The following DLGAP1 variants were observed in gnomAD, a reference collection of about 807,000 sequenced individuals.
DLGAP1 encodes the protein DLG associated protein 1.
A neutral mutation model predicts 90.8 loss-of-function variants in DLGAP1; 11 were observed. The observed-to-expected ratio is 0.12, with a 90% confidence interval of 0.08 to 0.20. The LOEUF (loss-of-function observed/expected upper bound fraction) is 0.20, where lower values mean the gene tolerates loss of function less well. DLGAP1 is among the 10% of genes least tolerant of loss of function. DLGAP1 has a pLI of 1.00. For synonymous variants in DLGAP1, 558 were observed against 540.7 expected (o/e 1.03, Z -0.44); for missense variants, 1,050 against 1,333.8 (o/e 0.79, Z 3.31).
At chr18:4,155,188 T>C (rs1304634514) in intron 1 of DLGAP1, among the ~76,000 whole-genome samples, 8 of 152,086 alleles carry the variant, frequency 5.3e-5, no homozygotes, top group Admixed American at 6.6e-5. Flanking sequence ...GGTGGGAGTG[T>C]TCCTGGTTGG....
intron 3 of DLGAP1, chr18:3,984,370 C>A (rs1599268428): frequency 6.6e-6 from 1 of 152,370 alleles, no homozygotes; most frequent in Non-Finnish European, 1.5e-5. Context: ...TCAATTACCC[C>A]AAGTCTGCCC....
rs766259416 is a variant in DLGAP1 at position 4,181,825 on chromosome 18, G to T, written c.-266-30538C>A. Among the ~76,000 whole-genome samples, 3 of 152,034 alleles carry T rather than the reference G, an allele frequency of 2.0e-5. No homozygotes were observed. In the South Asian group the frequency reaches 6.2e-4, roughly 31 times the overall value. ...TAATGTTTTGTTTGCTCCAAAAAAA[G>T]AAATTAGGGGAGCCCTTACTGAGAA... is the stretch of plus-strand genomic sequence containing the variant. On this transcript the variant is annotated intron_variant, in intron 1 of 12. Transcript: ENST00000315677.
At chr18:4,034,037 C>CTTTTT (rs1212913784) in intron 2 of DLGAP1, among the ~76,000 whole-genome samples, 2 of 111,208 alleles carry the variant, frequency 1.8e-5, no homozygotes, top group African/African-American at 6.2e-5. Flanking sequence ...GCGCCCGGCC[C>CTTTTT]TTTTTTTTTT....
At chr18:3,725,454 T>C (rs186744747) in intron 7 of DLGAP1, among the ~76,000 whole-genome samples, 16 of 152,246 alleles carry the variant, frequency 1.1e-4, no homozygotes, top group Non-Finnish European at 2.4e-4. Flanking sequence ...CATCAAGTTC[T>C]ACTGTTACCT....
chr18:3,928,732 G>T (rs1305214237), intron 3 of DLGAP1, among the ~76,000 whole-genome samples: 1 of 152,170 alleles, frequency 6.6e-6, no homozygotes, highest in Non-Finnish European at 1.5e-5. Context: ...AACACAGGTG[G>T]TCTGGCCCCA....
chr18:4,306,473 GAGAC>G (rs552503821), intron 1 of DLGAP1, among the ~76,000 whole-genome samples: 2,946 of 151,120 alleles, frequency 0.019, 38 homozygotes, highest in Admixed American at 0.03. Context: ...GAGAGAGAGA[GAGAC>G]AGACAGAGAA....
At chr18:4,276,600 C>T (rs1598791120) in intron 1 of DLGAP1, among the ~76,000 whole-genome samples, 1 of 150,962 alleles carries the variant, frequency 6.6e-6, no homozygotes, top group African/African-American at 2.4e-5. Context: ...CTCGCCACTG[C>T]ACTCCAGCCT....
chr18:4,231,678 AT>A (rs2078301765), intron 1 of DLGAP1, among the ~76,000 whole-genome samples: 1 of 151,882 alleles, frequency 6.6e-6, no homozygotes, highest in Admixed American at 6.6e-5. Flanking sequence ...CATATCCTCT[AT>A]TTCTTTCCTT....
At chr18:3,758,471 C>T (rs1222994278) in intron 5 of DLGAP1, among the ~76,000 whole-genome samples, 1 of 152,156 alleles carries the variant, frequency 6.6e-6, no homozygotes, top group Non-Finnish European at 1.5e-5. Flanking sequence ...TATTCACAGA[C>T]TATTTTTATT....
At chr18:4,127,599 A>G (rs2076250491) in intron 2 of DLGAP1, among the ~76,000 whole-genome samples, 1 of 152,174 alleles carries the variant, frequency 6.6e-6, no homozygotes, top group South Asian at 2.1e-4. Context: ...CTTGATAATG[A>G]TTTTTCAAAA....
intron 2 of DLGAP1, among the ~76,000 whole-genome samples, chr18:4,065,431 T>A (rs1242684247): frequency 2.6e-5 from 4 of 152,072 alleles, no homozygotes; most frequent in Non-Finnish European, 1.5e-5. Flanking sequence ...CCCCATAGTC[T>A]CAGCCCAAAA....
intron 10 of DLGAP1, among the ~76,000 whole-genome samples, chr18:3,531,867 T>C (rs553934536): frequency 1.3e-5 from 2 of 152,228 alleles, no homozygotes; most frequent in African/African-American, 4.8e-5. Flanking sequence ...CTTTTTTTCT[T>C]TTTTTGGAGA....
At chr18:4,420,115 CAA>C (rs940458361) in intron 1 of DLGAP1, among the ~76,000 whole-genome samples, 2 of 151,976 alleles carry the variant, frequency 1.3e-5, no homozygotes, top group Admixed American at 6.6e-5. Flanking sequence ...CTATGTCTTG[CAA>C]AAAGAGTCAA....
chr18:3,656,041 C>A (rs1022224562), intron 7 of DLGAP1: 2 of 1,526,464 alleles, frequency 1.3e-6, no homozygotes. Flanking sequence ...GCTATGCAAC[C>A]TTTAAGCAAA....
intron 1 of DLGAP1, among the ~76,000 whole-genome samples, chr18:4,287,783 T>C (rs149712780): frequency 0.03 from 4,597 of 152,094 alleles, 157 homozygotes; most frequent in African/African-American, 0.085. Context: ...CAAACCACCA[T>C]GGCACATGTA....
chr18:3,876,551 T>C (rs766762919), intron 4 of DLGAP1, among the ~76,000 whole-genome samples: 3 of 152,204 alleles, frequency 2.0e-5, no homozygotes, highest in Admixed American at 2.0e-4. Flanking sequence ...TTTTCAACCT[T>C]TCAATAATTT....
chr18:3,668,916 G>A (rs141372016), intron 7 of DLGAP1, among the ~76,000 whole-genome samples: 2,940 of 152,016 alleles, frequency 0.019, 78 homozygotes, highest in Admixed American at 0.076. Context: ...CCTGGGAGGC[G>A]GAGCTTGCAA....
intron 1 of DLGAP1, among the ~76,000 whole-genome samples, chr18:4,421,187 G>A (rs2083020717): frequency 6.6e-6 from 1 of 152,112 alleles, no homozygotes; most frequent in Admixed American, 6.5e-5. Context: ...AAGGCTTTTG[G>A]GGAGAATCCT....
chr18:4,173,667 C>G (rs2077059620), intron 1 of DLGAP1, among the ~76,000 whole-genome samples: 1 of 152,156 alleles, frequency 6.6e-6, no homozygotes, highest in Non-Finnish European at 1.5e-5. Context: ...ACTGCAAAGT[C>G]TCAGTAAAAA....
Sources: gnomAD v4.1 joint callset for allele counts (sites outside exome capture counted in the v4.1 genomes callset) on GRCh38, gnomAD v4.1.1 for gene constraint, MANE v1.5 for transcripts, NCBI Gene and HGNC (gene_info 2026-07-23, HGNC 2026-07-21) for gene names.